The following KIAA1328 variants were observed in gnomAD, a reference collection of about 807,000 sequenced individuals.
The protein encoded by KIAA1328 is KIAA1328.
KIAA1328 carries 52 observed loss-of-function variants against 68.1 expected under a neutral mutation model. The ratio of observed to expected loss-of-function variants is 0.76; its 90% CI spans 0.61 to 0.96. The LOEUF (loss-of-function observed/expected upper bound fraction) is 0.96. Among genes scored for constraint, KIAA1328 ranks in the 40% least tolerant of loss-of-function variants. The pLI is 0.00. For synonymous variants in KIAA1328, 232 were observed against 239.4 expected (o/e 0.97, Z 0.28); for missense variants, 641 against 677.6 (o/e 0.95, Z 0.60).
At chr18:36,940,073 C>T (rs2050649815) in intron 5 of KIAA1328, among the ~76,000 whole-genome samples, 1 of 152,066 alleles carries the variant, frequency 6.6e-6, no homozygotes. Context: ...TAAAATGGCA[C>T]ATTTTAAAAA....
intron 5 of KIAA1328, among the ~76,000 whole-genome samples, chr18:36,916,208 T>C (rs1192872629): frequency 3.5e-5 from 1 of 28,188 alleles, no homozygotes; most frequent in African/African-American, 6.1e-5. Flanking sequence ...GATTCCAATT[T>C]ATATATATAT....
At chr18:37,057,822 T>G (rs2055979899) in intron 6 of KIAA1328, among the ~76,000 whole-genome samples, 1 of 152,240 alleles carries the variant, frequency 6.6e-6, no homozygotes, top group South Asian at 2.1e-4. Context: ...TCTCTTGCTT[T>G]TGCACTACAA....
chr18:37,165,203 C>G (rs1282264209), intron 8 of KIAA1328, among the ~76,000 whole-genome samples: 1 of 152,100 alleles, frequency 6.6e-6, no homozygotes, highest in African/African-American at 2.4e-5. Flanking sequence ...TTTAGGACTT[C>G]AGATTAATTA....
At chr18:36,840,083 C>T (rs549646135) in intron 3 of KIAA1328, among the ~76,000 whole-genome samples, 3 of 152,262 alleles carry the variant, frequency 2.0e-5, no homozygotes, top group South Asian at 4.1e-4. Flanking sequence ...CTTTCCTGGA[C>T]TCCCAGCTGT....
intron 3 of KIAA1328, among the ~76,000 whole-genome samples, chr18:36,841,160 G>C (rs183858423): frequency 9.9e-5 from 15 of 152,104 alleles, no homozygotes; most frequent in Non-Finnish European, 2.2e-4. Flanking sequence ...ATTGGTGTTG[G>C]TATGAACAGT....
chr18:37,131,763 C>A (rs2058527862), intron 7 of KIAA1328, among the ~76,000 whole-genome samples: 1 of 152,148 alleles, frequency 6.6e-6, no homozygotes, highest in Non-Finnish European at 1.5e-5. Flanking sequence ...TTATATATAA[C>A]TGTTAACATT....
chr18:36,829,516 C>T, intron 1 of KIAA1328: 1 of 1,073,440 alleles, frequency 9.3e-7, no homozygotes, highest in Non-Finnish European at 1.2e-6. Flanking sequence ...CTCTGCCCAC[C>T]CTGTCAGAGT....
intron 6 of KIAA1328, among the ~76,000 whole-genome samples, chr18:36,981,966 G>A (rs1598886137): frequency 2.0e-5 from 3 of 150,874 alleles, no homozygotes; most frequent in East Asian, 3.9e-4. Flanking sequence ...TGGGAGATTA[G>A]ACATTGCAGA....
At chr18:36,993,076 A>C (rs1256078710) in intron 6 of KIAA1328, among the ~76,000 whole-genome samples, 1 of 152,204 alleles carries the variant, frequency 6.6e-6, no homozygotes, top group African/African-American at 2.4e-5. Context: ...ACTGCACTTC[A>C]ACCTGGGTGA....
chr18:37,117,454 G>A (rs1036534319), intron 7 of KIAA1328, among the ~76,000 whole-genome samples: 12 of 152,128 alleles, frequency 7.9e-5, no homozygotes, highest in Admixed American at 2.6e-4. Context: ...AGAACACTTG[G>A]ACACAGCGGT....
intron 4 of KIAA1328, among the ~76,000 whole-genome samples, chr18:36,862,831 A>G (rs2047610225): frequency 6.6e-6 from 1 of 152,170 alleles, no homozygotes; most frequent in South Asian, 2.1e-4. Flanking sequence ...ATTTGTTATA[A>G]TTAATTTCTA....
intron 4 of KIAA1328, among the ~76,000 whole-genome samples, chr18:36,883,735 A>G (rs2048395983): frequency 6.6e-6 from 1 of 152,148 alleles, no homozygotes; most frequent in African/African-American, 2.4e-5. Flanking sequence ...TCTTTGTTTT[A>G]TGCATCATCC....
At chr18:37,080,299 A>C (rs1385668907) in intron 7 of KIAA1328, among the ~76,000 whole-genome samples, 1 of 152,172 alleles carries the variant, frequency 6.6e-6, no homozygotes, top group Non-Finnish European at 1.5e-5. Flanking sequence ...TTTGACTACA[A>C]TGCAACCTTT....
At chr18:37,208,124 A>G (rs1274951765) in intron 9 of KIAA1328, among the ~76,000 whole-genome samples, 1 of 152,036 alleles carries the variant, frequency 6.6e-6, no homozygotes, top group Non-Finnish European at 1.5e-5. Context: ...TCACCTTTTT[A>G]AAATTTAAAT....
chr18:37,011,812 G>T (rs886873173), intron 6 of KIAA1328, among the ~76,000 whole-genome samples: 2 of 152,112 alleles, frequency 1.3e-5, no homozygotes, highest in Non-Finnish European at 2.9e-5. Context: ...AGGAGAGGTT[G>T]ATTACACAGG....
In KIAA1328 at chr18:36,885,652, T is replaced by G. The variant is rs1479946676; in HGVS notation, c.428T>G (p.Leu143Arg). Residue 143 changes from leucine to arginine, a missense_variant, in exon 5 of 10, where the codon CTG (leucine) becomes CGG (arginine). Leu to Arg is a moderately radical substitution (Grantham distance 102, BLOSUM62 -2). Coordinates refer to ENST00000280020, the MANE Select transcript of KIAA1328 (RefSeq NM_020776.3). ...AGGCAGTTGGAAGAACAGAATGAACTGATCATCAAAGAAAGGGAAGATATC... is the reference window on the plus strand; with the variant it reads ...AGGCAGTTGGAAGAACAGAATGAACGGATCATCAAAGAAAGGGAAGATATC... ...KIRQLEEQNE[L>R]IIKEREALQL... The G allele has an allele frequency of 3.8e-6, 6 of 1,588,698 alleles. No homozygotes were observed. In the South Asian group the frequency reaches 6.9e-5, roughly 18 times the overall value.
intron 4 of KIAA1328, among the ~76,000 whole-genome samples, chr18:36,872,844 G>A (rs181165973): frequency 2.0e-4 from 30 of 152,116 alleles, no homozygotes; most frequent in African/African-American, 7.0e-4. Flanking sequence ...ATTTATGGTG[G>A]CCTAATACAT....
chr18:37,164,513 G>A (rs2059346479), intron 8 of KIAA1328, among the ~76,000 whole-genome samples: 1 of 152,138 alleles, frequency 6.6e-6, no homozygotes, highest in African/African-American at 2.4e-5. Flanking sequence ...GTGAGGCTGA[G>A]GCAGGCGGAT....
At chr18:37,146,455 A>G (rs145396352) in intron 7 of KIAA1328, among the ~76,000 whole-genome samples, 25 of 152,250 alleles carry the variant, frequency 1.6e-4, no homozygotes, top group African/African-American at 5.5e-4. Flanking sequence ...ATTCTGTGGT[A>G]TATATGTACC....
Sources: allele counts gnomAD v4.1 joint callset (sites outside exome capture counted in the v4.1 genomes callset), GRCh38; gene constraint gnomAD v4.1.1; transcripts MANE v1.5; gene names NCBI Gene and HGNC (gene_info 2026-07-23, HGNC 2026-07-21).